Variants in GRID2 observed in about 807,000 individuals in gnomAD.
GRID2 encodes the protein glutamate ionotropic receptor delta type subunit 2, also known as glutamate receptor ionotropic, delta-2.
A neutral mutation model predicts 114.8 loss-of-function variants in GRID2; 33 were observed. The ratio of observed to expected loss-of-function variants is 0.29; its 90% CI spans 0.22 to 0.38. The LOEUF is 0.38. Among genes scored for constraint, GRID2 ranks in the 10% least tolerant of loss-of-function variants. The probability of loss-of-function intolerance (pLI) is 1.00; values close to 1 mark genes in which losing one functional copy is unlikely to be tolerated. For synonymous variants in GRID2, 505 were observed against 449.9 expected (o/e 1.12, Z -1.55); for missense variants, 1,184 against 1,257.7 (o/e 0.94, Z 0.89).
chr4:93,183,191 A>T (rs546802909), intron 4 of GRID2, among the ~76,000 whole-genome samples: 1 of 152,298 alleles, frequency 6.6e-6, no homozygotes, highest in East Asian at 1.9e-4. Flanking sequence ...ACTGATTTCC[A>T]GTTTACTAAT....
At chr4:93,513,123 T>C (rs533958827) in intron 12 of GRID2, among the ~76,000 whole-genome samples, 62 of 152,190 alleles carry the variant, frequency 4.1e-4, no homozygotes, top group Non-Finnish European at 6.0e-4. Flanking sequence ...TGGTAGGGTG[T>C]CTGGTGACCT....
intron 2 of GRID2, among the ~76,000 whole-genome samples, chr4:92,939,442 T>C (rs1750926072): frequency 6.8e-6 from 1 of 147,262 alleles, no homozygotes; most frequent in Non-Finnish European, 1.5e-5. Flanking sequence ...TTTGTTTGAG[T>C]TCATTGTAGA....
chr4:93,543,347 T>TA (rs1280080920), intron 13 of GRID2, among the ~76,000 whole-genome samples: 3 of 152,192 alleles, frequency 2.0e-5, no homozygotes, highest in East Asian at 1.9e-4. Context: ...AGCTGATTTT[T>TA]AAAAAATAAA....
At chr4:92,984,414 C>A (rs894652455) in intron 2 of GRID2, among the ~76,000 whole-genome samples, 1 of 152,224 alleles carries the variant, frequency 6.6e-6, no homozygotes, top group South Asian at 2.1e-4. Context: ...TGTCTACATA[C>A]AATTTTTCTG....
intron 1 of GRID2, among the ~76,000 whole-genome samples, chr4:92,464,308 A>G (rs960986514): frequency 3.9e-5 from 6 of 152,040 alleles, no homozygotes; most frequent in Non-Finnish European, 5.9e-5. Flanking sequence ...GATTTTTACT[A>G]CCGTTCTTTT....
intron 1 of GRID2, among the ~76,000 whole-genome samples, chr4:92,452,869 T>A (rs371332974): frequency 1.4e-5 from 2 of 138,096 alleles, no homozygotes; most frequent in African/African-American, 5.3e-5. Context: ...ATATATATTT[T>A]TTTACCATAT....
intron 7 of GRID2, among the ~76,000 whole-genome samples, chr4:93,234,523 G>C (rs1410001399): frequency 6.6e-6 from 1 of 151,746 alleles, no homozygotes; most frequent in Non-Finnish European, 1.5e-5. Flanking sequence ...TATTATGAAT[G>C]ACTATTTGAG....
chr4:93,305,710 A>G (rs1003307248), intron 8 of GRID2, among the ~76,000 whole-genome samples: 2 of 152,204 alleles, frequency 1.3e-5, no homozygotes, highest in Non-Finnish European at 2.9e-5. Flanking sequence ...AAGGCTGGTT[A>G]AACCAAGTCA....
chr4:93,778,779 A>T (rs1734422408), downstream of GRID2, among the ~76,000 whole-genome samples: 1 of 152,162 alleles, frequency 6.6e-6, no homozygotes, highest in South Asian at 2.1e-4. Context: ...ACTGTTTTTT[A>T]AAAAAGCTTT....
At chr4:92,568,966 T>C (rs562880815) in intron 1 of GRID2, among the ~76,000 whole-genome samples, 1 of 152,166 alleles carries the variant, frequency 6.6e-6, no homozygotes, top group African/African-American at 2.4e-5. Flanking sequence ...CTTTCTTTTT[T>C]TAAATTCCCA....
At chr4:93,382,309 G>A (rs1331141682) in intron 8 of GRID2, among the ~76,000 whole-genome samples, 1 of 151,932 alleles carries the variant, frequency 6.6e-6, no homozygotes. Flanking sequence ...TGGCCATTAT[G>A]GCTTCAAATA....
At chr4:92,824,929 A>G (rs943128359) in intron 2 of GRID2, among the ~76,000 whole-genome samples, 1 of 152,148 alleles carries the variant, frequency 6.6e-6, no homozygotes, top group Non-Finnish European at 1.5e-5. Flanking sequence ...CATGATAACC[A>G]GATAAATATA....
intron 8 of GRID2, among the ~76,000 whole-genome samples, chr4:93,261,012 G>A (rs952889536): frequency 1.3e-5 from 2 of 151,782 alleles, no homozygotes; most frequent in Non-Finnish European, 2.9e-5. Context: ...GGAATAATCA[G>A]TAGTAGAATG....
chr4:93,578,840 G>T (rs190424194), intron 13 of GRID2, among the ~76,000 whole-genome samples: 2 of 152,090 alleles, frequency 1.3e-5, no homozygotes, highest in Admixed American at 1.3e-4. Flanking sequence ...TGATCTGCCC[G>T]CCTCGGCCTC....
chr4:93,416,982 G>T (rs1767778150), intron 9 of GRID2, among the ~76,000 whole-genome samples: 1 of 152,056 alleles, frequency 6.6e-6, no homozygotes, highest in African/African-American at 2.4e-5. Context: ...TCATGCAAAT[G>T]ATCAGCAAAT....
At chr4:93,041,004 A>G (rs554648784) in intron 2 of GRID2, among the ~76,000 whole-genome samples, 2 of 152,274 alleles carry the variant, frequency 1.3e-5, no homozygotes, top group East Asian at 3.9e-4. Context: ...AATAAGGGTA[A>G]AGGAATGGTA....
chr4:92,481,223 C>A (rs1165210362), intron 1 of GRID2, among the ~76,000 whole-genome samples: 1 of 151,912 alleles, frequency 6.6e-6, no homozygotes, highest in Non-Finnish European at 1.5e-5. Context: ...TTTCATATAC[C>A]TTTATAGGCT....
chr4:92,416,446 G>A (rs764365503), intron 1 of GRID2, among the ~76,000 whole-genome samples: 3 of 152,048 alleles, frequency 2.0e-5, no homozygotes, highest in Non-Finnish European at 4.4e-5. Flanking sequence ...TGCTGCGTTG[G>A]CTTTTGGATT....
rs1490615531 is a variant in GRID2, at chr4:93,679,642, CT to C, written c.2360+53208del. Among the ~76,000 whole-genome samples, 3 of 150,994 alleles carry C rather than the reference CT, an allele frequency of 2.0e-5. 1 individual carries two copies. Among genetic ancestry groups the C allele is most frequent in the African/African-American group, 7.4e-5 (3 of 40,670 alleles). ...AAGAAACTCACTCAAAACCGCTCAA[CT>C]ACATGGAAACTGACAGCCTGCTCCT... is the stretch of plus-strand genomic sequence containing the variant. On this transcript the variant is annotated intron_variant, in intron 14 of 15. Transcript: ENST00000282020.
Sources: allele counts gnomAD v4.1 joint callset (sites outside exome capture counted in the v4.1 genomes callset), GRCh38; gene constraint gnomAD v4.1.1; transcripts MANE v1.5; gene names NCBI Gene and HGNC (gene_info 2026-07-23, HGNC 2026-07-21).